UGP2: variants seen among roughly 807,000 people sequenced by gnomAD.
The protein encoded by UGP2 is UTP--glucose-1-phosphate uridylyltransferase.
A neutral mutation model predicts 49.0 loss-of-function variants in UGP2; 40 were observed. The observed-to-expected ratio is 0.82, with a 90% CI of 0.63 to 1.06. The LOEUF (loss-of-function observed/expected upper bound fraction) is 1.06. UGP2 is among the 50% of genes least tolerant of loss of function. UGP2 has a pLI of 0.00. For synonymous variants in UGP2, 225 were observed against 213.0 expected, an observed-to-expected ratio of 1.06 and a Z score of -0.49; for missense variants, 460 against 603.5, an observed-to-expected ratio of 0.76 and a Z score of 2.49.
intron 1 of UGP2, among the ~76,000 whole-genome samples, chr2:63,850,593 TTA>T (rs754369002): frequency 2.0e-5 from 3 of 152,262 alleles, no homozygotes; most frequent in Non-Finnish European, 4.4e-5. Context: ...ACATTGGCAT[TTA>T]TATTGGTTAA....
chr2:63,882,534 A>AGTG lies in UGP2; in HGVS notation c.331_333dup (p.Val111dup). ...ATATATCTTCCGTGTTGAACAAACT[A>AGTG]GTGGTGGTGAAACTCAATGGTGGTT... On this transcript the variant is annotated inframe_insertion, in exon 4 of 10. Transcript: ENST00000337130. 1.2e-6 allele frequency: 2 copies of AGTG among 1,613,348 alleles called. No homozygotes were observed. The highest frequency in any genetic ancestry group is 1.7e-6 in the Non-Finnish European group (2 of 1,179,414).
chr2:63,863,708 T>G (rs1458329597), intron 3 of UGP2, among the ~76,000 whole-genome samples: 1 of 152,216 alleles, frequency 6.6e-6, no homozygotes, highest in African/African-American at 2.4e-5. Context: ...AATTTGTTAC[T>G]GTATCTCATT....
intron 1 of UGP2, among the ~76,000 whole-genome samples, chr2:63,852,295 T>G (rs894741853): frequency 1.3e-5 from 2 of 152,234 alleles, no homozygotes; most frequent in African/African-American, 4.8e-5. Context: ...TGCATATCTT[T>G]CCCACCCCAA....
At chr2:63,884,992 A>ATTTT (rs1671564350) in intron 5 of UGP2, among the ~76,000 whole-genome samples, 2 of 28,768 alleles carry the variant, frequency 7.0e-5, no homozygotes, top group African/African-American at 1.1e-4. Context: ...TCCCATGGTT[A>ATTTT]CTTTTTTTTT....
At position 63,886,329 on chromosome 2, in the gene UGP2, C is replaced by G; in HGVS notation, c.874-12C>G. 1 of 1,613,222 alleles carries G rather than the reference C, an allele frequency of 6.2e-7. No individual in the cohort carries two copies. The highest frequency in any genetic ancestry group is 8.5e-7 in the Non-Finnish European group (1 of 1,179,204). ...CTGATGTGGAGGCACTCACTATTTTCTGCCTTTCTAGGGCGGGACACTCAC... is the reference window on the plus strand; with the variant it reads ...CTGATGTGGAGGCACTCACTATTTTGTGCCTTTCTAGGGCGGGACACTCAC... On this transcript the variant is annotated splice_polypyrimidine_tract_variant and intron_variant, in intron 6 of 9. Transcript: ENST00000337130.
chr2:63,875,407 A>G (rs1670844641), intron 3 of UGP2, among the ~76,000 whole-genome samples: 1 of 152,218 alleles, frequency 6.6e-6, no homozygotes, highest in Non-Finnish European at 1.5e-5. Flanking sequence ...CAAATATGCT[A>G]CCAAGAACTG....
intron 3 of UGP2, among the ~76,000 whole-genome samples, chr2:63,864,068 T>C (rs1286461694): frequency 6.6e-6 from 1 of 152,240 alleles, no homozygotes; most frequent in Non-Finnish European, 1.5e-5. Flanking sequence ...ATTTTTCCTT[T>C]TTTAAAACTT....
intron 1 of UGP2, among the ~76,000 whole-genome samples, chr2:63,843,015 C>G (rs1279306568): frequency 2.6e-5 from 4 of 152,308 alleles, no homozygotes; most frequent in South Asian, 2.1e-4. Flanking sequence ...TCCTTGTAGA[C>G]TCCAGTGTGT....
At chr2:63,854,334 A>G (rs1369742346) in intron 1 of UGP2, among the ~76,000 whole-genome samples, 4 of 152,244 alleles carry the variant, frequency 2.6e-5, no homozygotes, top group East Asian at 1.9e-4. Context: ...TTGCTAGGCA[A>G]TAGGGACAAA....
chr2:63,879,640 G>T (rs1188459019), intron 3 of UGP2, among the ~76,000 whole-genome samples: 2 of 152,344 alleles, frequency 1.3e-5, no homozygotes, highest in East Asian at 3.9e-4. Flanking sequence ...TAGAATGAAA[G>T]TCCGGATACC....
At chr2:63,889,824 AAAAAG>A (rs1671959577) in intron 8 of UGP2, 1 of 305,758 alleles carries the variant, frequency 3.3e-6, no homozygotes. Context: ...CTTTAAAAAA[AAAAAG>A]AAAAAAAACC....
chr2:63,887,871 G>A, intron 8 of UGP2: 1 of 566,042 alleles, frequency 1.8e-6, no homozygotes, highest in Admixed American at 3.4e-5. Context: ...TAAATTTTGG[G>A]GCATTTTATC....
intron 3 of UGP2, among the ~76,000 whole-genome samples, chr2:63,868,680 C>G (rs1361248265): frequency 6.6e-6 from 1 of 152,098 alleles, no homozygotes; most frequent in Non-Finnish European, 1.5e-5. Context: ...AAGAGTATAT[C>G]AGGCTGGGCG....
chr2:63,853,667 G>A (rs946485963), intron 1 of UGP2, among the ~76,000 whole-genome samples: 2 of 152,050 alleles, frequency 1.3e-5, no homozygotes, highest in Admixed American at 1.3e-4. Context: ...CCAGTGTCAG[G>A]GTGTCAGGGA....
At chr2:63,859,783 A>G (rs1669708470) in intron 3 of UGP2, among the ~76,000 whole-genome samples, 1 of 152,234 alleles carries the variant, frequency 6.6e-6, no homozygotes, top group South Asian at 2.1e-4. Context: ...TTGAAGCATA[A>G]GTTTTAAGCT....
chr2:63,875,207 A>G (rs560522642), intron 3 of UGP2, among the ~76,000 whole-genome samples: 57 of 152,332 alleles, frequency 3.7e-4, no homozygotes, highest in Admixed American at 1.6e-3. Context: ...GTGTTCTTGG[A>G]ACACTTTCTG....
Position 63,885,737 on chromosome 2 carries a change from G to A in UGP2, c.724G>A (p.Glu242Lys). Residue 242 changes from glutamate to lysine, a missense_variant, in exon 6 of 10, where the codon GAA becomes AAA. Transcript: ENST00000337130. ...NSGLLDTFIG[E>K]GKEYIFVSNI... ...TGGATTGCTTGATACCTTTATAGGA[G>A]AAGGCAAAGAGTATATTTTTGTGTC... The A allele has an allele frequency of 6.2e-7, 1 of 1,613,914 alleles. No individual in the cohort carries two copies. Among genetic ancestry groups the A allele is most frequent in the South Asian group, 1.1e-5 (1 of 91,072 alleles).
intron 8 of UGP2, 122 bp downstream of exon 8, chr2:63,887,766 C>G (rs764655497): frequency 4.8e-6 from 6 of 1,263,046 alleles, no homozygotes; most frequent in South Asian, 1.5e-5. Context: ...ATTCCTCTGT[C>G]TTTGATACCT....
intron 5 of UGP2, among the ~76,000 whole-genome samples, chr2:63,885,077 C>T (rs939662931): frequency 7.6e-6 from 1 of 130,962 alleles, no homozygotes; most frequent in Non-Finnish European, 1.5e-5. Context: ...GCGGTGCTAG[C>T]TCCCGTTTTC....
Sources: allele counts gnomAD v4.1 joint callset (sites outside exome capture counted in the v4.1 genomes callset), GRCh38; gene constraint gnomAD v4.1.1; transcripts MANE v1.5; gene names NCBI Gene and HGNC (gene_info 2026-07-23, HGNC 2026-07-21).